Variants in FYN observed in about 807,000 individuals in gnomAD.
FYN encodes FYN proto-oncogene, Src family tyrosine kinase.
FYN carries 10 observed loss-of-function variants against 70.2 expected under a neutral mutation model. That is an observed-to-expected ratio of 0.14 (90% CI 0.09 to 0.24). FYN has a LOEUF of 0.24. Among genes scored for constraint, FYN ranks in the 10% least tolerant of loss-of-function variants. The probability of loss-of-function intolerance (pLI) is 1.00; values close to 1 mark genes in which losing one functional copy is unlikely to be tolerated. For missense variants in FYN, 319 were observed against 673.1 expected (o/e 0.47, Z 5.82); for synonymous variants, 236 against 248.6 (o/e 0.95, Z 0.48).
At chr6:111,726,328 G>C (rs1801192271) in intron 3 of FYN, among the ~76,000 whole-genome samples, 1 of 152,174 alleles carries the variant, frequency 6.6e-6, no homozygotes, top group South Asian at 2.1e-4. Flanking sequence ...GGGGATGATG[G>C]CTCCAATTTC....
chr6:111,828,600 C>T (rs967195990), intron 2 of FYN, among the ~76,000 whole-genome samples: 4 of 149,290 alleles, frequency 2.7e-5, no homozygotes, highest in East Asian at 1.9e-4. Context: ...TTTTGACACA[C>T]GCTACAACAT....
At chr6:111,666,978 G>A (rs910477503) in intron 13 of FYN, among the ~76,000 whole-genome samples, 31 of 152,170 alleles carry the variant, frequency 2.0e-4, no homozygotes, top group African/African-American at 7.0e-4. Flanking sequence ...CTGCAACTGA[G>A]ATTCTCCAGC....
intron 3 of FYN, among the ~76,000 whole-genome samples, chr6:111,742,694 T>C (rs1242531535): frequency 3.3e-5 from 5 of 152,160 alleles, no homozygotes; most frequent in Admixed American, 2.6e-4. Context: ...AGAACTAAGT[T>C]TAAATTCAAA....
At chr6:111,753,345 A>T (rs1192545776) in intron 3 of FYN, among the ~76,000 whole-genome samples, 2 of 152,196 alleles carry the variant, frequency 1.3e-5, no homozygotes, top group African/African-American at 4.8e-5. Context: ...TGTGGGCTAG[A>T]TACTAGAACA....
At chr6:111,740,706 C>T (rs1265209006) in intron 3 of FYN, among the ~76,000 whole-genome samples, 2 of 152,186 alleles carry the variant, frequency 1.3e-5, no homozygotes, top group Non-Finnish European at 2.9e-5. Flanking sequence ...CACTGCACAC[C>T]TTTCTGTTCT....
chr6:111,664,937 G>A (rs1038525420), intron 13 of FYN, among the ~76,000 whole-genome samples: 2 of 152,168 alleles, frequency 1.3e-5, no homozygotes, highest in East Asian at 3.8e-4. Flanking sequence ...CCATAAACCA[G>A]GACCTGCAAC....
intron 13 of FYN, among the ~76,000 whole-genome samples, chr6:111,664,743 C>T (rs1195719511): frequency 6.6e-6 from 1 of 151,796 alleles, no homozygotes; most frequent in Non-Finnish European, 1.5e-5. Context: ...CTTCCCCACT[C>T]CTCTTCTTCT....
At chr6:111,796,410 G>A (rs770686055) in intron 2 of FYN, among the ~76,000 whole-genome samples, 31 of 152,146 alleles carry the variant, frequency 2.0e-4, no homozygotes, top group Non-Finnish European at 4.0e-4. Context: ...TGCTGTTCAG[G>A]TTTGTAACCA....
At chr6:111,753,161 A>G (rs1802562686) in intron 3 of FYN, among the ~76,000 whole-genome samples, 1 of 152,256 alleles carries the variant, frequency 6.6e-6, no homozygotes, top group Admixed American at 6.5e-5. Context: ...AGGTAAACCT[A>G]CTAAAGTGTT....
chr6:111,738,994 T>C (rs1427370806), intron 3 of FYN, among the ~76,000 whole-genome samples: 1 of 152,154 alleles, frequency 6.6e-6, no homozygotes, highest in Admixed American at 6.5e-5. Flanking sequence ...TGCACTTCCA[T>C]GCATTCCTCC....
At chr6:111,832,687 G>T (rs1773051995) in intron 2 of FYN, among the ~76,000 whole-genome samples, 2 of 151,962 alleles carry the variant, frequency 1.3e-5, no homozygotes, top group Non-Finnish European at 2.9e-5. Context: ...GAACATTGAG[G>T]TTTTTTCCAT....
intron 2 of FYN, among the ~76,000 whole-genome samples, chr6:111,834,153 T>C (rs917058122): frequency 2.6e-5 from 4 of 152,116 alleles, no homozygotes; most frequent in Non-Finnish European, 4.4e-5. Flanking sequence ...GGAAACAAAC[T>C]TACAGAGAAA....
intron 12 of FYN, among the ~76,000 whole-genome samples, chr6:111,687,595 GGGGT>G (rs201822911): frequency 7.5e-6 from 1 of 133,220 alleles, no homozygotes; most frequent in South Asian, 2.4e-4. Flanking sequence ...AACCCAAAGT[GGGGT>G]GGGTGGGTGT....
At chr6:111,795,309 G>A (rs891760210) in intron 2 of FYN, among the ~76,000 whole-genome samples, 2 of 152,146 alleles carry the variant, frequency 1.3e-5, no homozygotes, top group Non-Finnish European at 2.9e-5. Flanking sequence ...ACACACAAAG[G>A]AAAGGCCATG....
chr6:111,818,216 G>T (rs1371831576), intron 2 of FYN, among the ~76,000 whole-genome samples: 1 of 152,170 alleles, frequency 6.6e-6, no homozygotes, highest in Non-Finnish European at 1.5e-5. Flanking sequence ...GTGAAAGGCT[G>T]AGAGAAACGA....
chr6:111,800,530 T>C (rs952684075), intron 2 of FYN, among the ~76,000 whole-genome samples: 2 of 152,084 alleles, frequency 1.3e-5, no homozygotes, highest in South Asian at 4.2e-4. Context: ...GCAGAAGGAA[T>C]TTACTATGAT....
chr6:111,734,124 A>T (rs1047960287), intron 3 of FYN, among the ~76,000 whole-genome samples: 1 of 152,146 alleles, frequency 6.6e-6, no homozygotes, highest in Non-Finnish European at 1.5e-5. Flanking sequence ...AAACAAAAAA[A>T]TGTGAGCTTC....
At chr6:111,697,173 T>TA (rs144187027) in intron 9 of FYN, among the ~76,000 whole-genome samples, 7,238 of 151,782 alleles carry the variant, frequency 0.048, 496 homozygotes, top group African/African-American at 0.16. Flanking sequence ...TTTAGCATGT[T>TA]AAAAAAAAAT....
intron 3 of FYN, among the ~76,000 whole-genome samples, chr6:111,773,596 A>AAGGGAGAGGGGG (rs1803574504): frequency 5.3e-5 from 1 of 18,976 alleles, no homozygotes; most frequent in Non-Finnish European, 8.6e-5. Flanking sequence ...GGGAAAGGGA[A>AAGGGAGAGGGGG]AGGGAGAGAG....
Sources: allele counts gnomAD v4.1 joint callset (sites outside exome capture counted in the v4.1 genomes callset), GRCh38; gene constraint gnomAD v4.1.1; transcripts MANE v1.5; gene names NCBI Gene and HGNC (gene_info 2026-07-23, HGNC 2026-07-21).